TRPA1: variants seen among roughly 807,000 people sequenced by gnomAD.
The protein encoded by TRPA1 is transient receptor potential cation channel subfamily A member 1, also known as ankyrin-like with transmembrane domains 1.
Under a neutral mutation model 131.3 loss-of-function variants are expected in TRPA1, and 129 were observed. That is an observed-to-expected ratio of 0.98 (90% CI 0.85 to 1.14). The LOEUF (loss-of-function observed/expected upper bound fraction) is 1.14. TRPA1 is among the 50% of genes most tolerant of loss of function. TRPA1 has a pLI of 0.00. For missense variants in TRPA1, 1,304 were observed against 1,354.2 expected (o/e 0.96, Z 0.58); for synonymous variants, 441 against 451.7 (o/e 0.98, Z 0.30).
At chr8:72,053,624 G>T in intron 13 of TRPA1, 129 bp downstream of exon 13, 1 of 732,672 alleles carries the variant, frequency 1.4e-6, no homozygotes, top group Non-Finnish European at 2.4e-6. Context: ...GAATCCACTT[G>T]CTAAACACCC....
chr8:72,078,109 CTTAA>C (rs1364939684), upstream of TRPA1, among the ~76,000 whole-genome samples: 2 of 151,442 alleles, frequency 1.3e-5, no homozygotes, highest in Admixed American at 6.6e-5. Context: ...CAAAATTCTC[CTTAA>C]TTATTTTGTT....
chr8:72,048,649 T>G (rs988242992), intron 15 of TRPA1, among the ~76,000 whole-genome samples: 1 of 152,102 alleles, frequency 6.6e-6, no homozygotes, highest in Non-Finnish European at 1.5e-5. Context: ...AAGAGCAACT[T>G]TTCAGAAATG....
intron 12 of TRPA1, chr8:72,054,134 G>A (rs1174304541): frequency 4.4e-6 from 2 of 456,742 alleles, no homozygotes; most frequent in African/African-American, 4.0e-5. Flanking sequence ...CAAACACTTT[G>A]GGGTAGGAGA....
upstream of TRPA1, among the ~76,000 whole-genome samples, chr8:72,080,227 T>C (rs570569508): frequency 6.6e-6 from 1 of 151,870 alleles, no homozygotes; most frequent in East Asian, 1.9e-4. Context: ...TTCCCAATCT[T>C]AGGGGGAAAG....
chr8:72,036,709 A>G (rs984690007), intron 20 of TRPA1, among the ~76,000 whole-genome samples: 1 of 152,146 alleles, frequency 6.6e-6, no homozygotes, highest in Non-Finnish European at 1.5e-5. Context: ...AAATCCTACA[A>G]ATTGCTGGGC....
At chr8:72,047,121 C>T (rs1563391951) in intron 16 of TRPA1, 27 bp downstream of exon 16, 1 of 1,520,544 alleles carries the variant, frequency 6.6e-7, no homozygotes, top group Non-Finnish European at 9.1e-7. Flanking sequence ...AAATAAATTT[C>T]AGATAATGAT....
At chr8:72,049,637 G>A (rs920188060) in intron 15 of TRPA1, among the ~76,000 whole-genome samples, 1 of 152,054 alleles carries the variant, frequency 6.6e-6, no homozygotes, top group African/African-American at 2.4e-5. Context: ...TGTCTTGTCT[G>A]GGGTGTCCGG....
chr8:72,033,796 T>C lies in TRPA1; in HGVS notation c.2716A>G (p.Ile906Val), dbSNP rs1281691710. ...DPFSSPLLSI[I>V]QTFSMMLGDI... Reference sequence around the variant, plus strand: ...CCTAGCATCATGCTGAAGGTCTGGATTATAGAAAGCAATGGAGAGCTGAAG... The same window carrying C: ...CCTAGCATCATGCTGAAGGTCTGGACTATAGAAAGCAATGGAGAGCTGAAG... The change falls in exon 23 of 27, where the codon ATC (isoleucine) becomes GTC (valine). Residue 906 changes from isoleucine to valine, a missense_variant. By Grantham distance (29) the Ile-to-Val change is conservative (BLOSUM62 3). Transcript: ENST00000262209. 6.2e-7 allele frequency: 1 copy of C among 1,613,888 alleles called. No individual in the cohort carries two copies. Among genetic ancestry groups the C allele is most frequent in the Non-Finnish European group, 8.5e-7 (1 of 1,179,960 alleles).
At chr8:72,062,587 T>C (rs1011821023) in intron 6 of TRPA1, among the ~76,000 whole-genome samples, 6 of 152,204 alleles carry the variant, frequency 3.9e-5, no homozygotes, top group African/African-American at 1.4e-4. Flanking sequence ...TGTATCTATA[T>C]TTGTGTCTGC....
chr8:72,073,151 C>A (rs1357115180), intron 1 of TRPA1, among the ~76,000 whole-genome samples: 2 of 152,100 alleles, frequency 1.3e-5, no homozygotes, highest in Non-Finnish European at 2.9e-5. Flanking sequence ...TCTAACTAAA[C>A]CCTTTAAAAC....
chr8:72,027,998 C>T (rs190003172), intron 24 of TRPA1, among the ~76,000 whole-genome samples: 2 of 152,144 alleles, frequency 1.3e-5, no homozygotes, highest in East Asian at 3.9e-4. Context: ...TTATCTATTC[C>T]CCAGGGTATT....
chr8:72,055,698 T>C lies in TRPA1; in HGVS notation c.1352A>G (p.His451Arg), dbSNP rs1475993314. ...SKSKDKKSPL[H>R]FAASYGRINT... ...GACTGACCCTTACCTGGCTGCAAAA[T>C]GCAGAGGTGATTTCTTATCTTTGCT... The change falls in exon 11 of 27, where the codon CAT becomes CGT. Residue 451 changes from histidine to arginine, a missense_variant. Coordinates refer to ENST00000262209, the MANE Select transcript of TRPA1 (RefSeq NM_007332.3). 2 of 1,613,606 alleles carry C rather than the reference T, an allele frequency of 1.2e-6. No individual in the cohort carries two copies. The highest frequency in any genetic ancestry group is 3.3e-5 in the Admixed American group (2 of 59,924).
intron 2 of TRPA1, among the ~76,000 whole-genome samples, chr8:72,070,098 T>C (rs531437842): frequency 6.6e-6 from 1 of 152,334 alleles, no homozygotes; most frequent in African/African-American, 2.4e-5. Context: ...GTCCTATAGC[T>C]ATTCTAAAAT....
chr8:72,054,166 T>C, intron 12 of TRPA1: 1 of 382,264 alleles, frequency 2.6e-6, no homozygotes, highest in Non-Finnish European at 4.9e-6. Flanking sequence ...CATGTCTGTG[T>C]CATACCTAAT....
chr8:72,059,309 T>C, intron 8 of TRPA1, 81 bp downstream of exon 8: 1 of 1,000,470 alleles, frequency 1.0e-6, no homozygotes, highest in Non-Finnish European at 1.5e-6. Context: ...TGCTTCATTT[T>C]TGAAAATCCA....
At chr8:72,067,933 G>T (rs1262644957) in intron 3 of TRPA1, among the ~76,000 whole-genome samples, 1 of 152,180 alleles carries the variant, frequency 6.6e-6, no homozygotes, top group African/African-American at 2.4e-5. Flanking sequence ...TCATTTACCA[G>T]CACAGTGCTG....
chr8:72,049,784 T>C (rs542566185), intron 15 of TRPA1, among the ~76,000 whole-genome samples: 2 of 152,330 alleles, frequency 1.3e-5, no homozygotes, highest in Non-Finnish European at 2.9e-5. Context: ...ATGTTGGCTA[T>C]ACTTGGGCAA....
rs1805487118 is a variant in TRPA1 at position 72,050,888 on chromosome 8, A to C, written c.1812-17T>G. The C allele has an allele frequency of 6.5e-7, 1 of 1,536,380 alleles. No homozygotes were observed. The highest frequency in any genetic ancestry group is 1.4e-5 in the African/African-American group (1 of 73,534). Reference sequence around the variant, plus strand: ...TCATCCCATCTGTAAAAAATAAATAAGTAAGATAAGCACAGGTCTTCATCC... The same window carrying C: ...TCATCCCATCTGTAAAAAATAAATACGTAAGATAAGCACAGGTCTTCATCC... On this transcript the variant is annotated splice_polypyrimidine_tract_variant and intron_variant, in intron 14 of 26. Transcript: ENST00000262209.
At chr8:72,081,053 T>G in the TRPA1 span, among the ~76,000 whole-genome samples, 3 of 151,776 alleles carry the variant, frequency 2.0e-5, no homozygotes, top group African/African-American at 4.8e-5. Flanking sequence ...TTTCTTTAAT[T>G]TTTCTTTCTA....
Sources: allele counts gnomAD v4.1 joint callset (sites outside exome capture counted in the v4.1 genomes callset), GRCh38; gene constraint gnomAD v4.1.1; transcripts MANE v1.5; gene names NCBI Gene and HGNC (gene_info 2026-07-23, HGNC 2026-07-21).